The following QKI variants were observed in gnomAD, a reference collection of about 807,000 sequenced individuals.
QKI encodes KH domain-containing RNA-binding protein QKI.
QKI carries 10 observed loss-of-function variants against 39.0 expected under a neutral mutation model. The ratio of observed to expected loss-of-function variants is 0.26; its 90% CI spans 0.16 to 0.43. QKI has a LOEUF of 0.43. Ranked by LOEUF, QKI falls within the 20% of genes least tolerant of loss-of-function variation. The pLI, the probability that QKI is intolerant of heterozygous loss-of-function variation, is 1.00. For synonymous variants in QKI, 204 were observed against 155.4 expected (o/e 1.31, Z -2.33); for missense variants, 218 against 428.0 (o/e 0.51, Z 4.33).
In QKI at chr6:163,515,602, G is replaced by A. The variant is rs6919559; in HGVS notation, c.403-19380G>A. ...ACATACTACATCTTGATACTATAAC[G>A]TTCAAAAGAACAGTTTGAAATTATT... On this transcript the variant is annotated intron_variant, in intron 3 of 7. Coordinates refer to ENST00000361752, the MANE Select transcript of QKI (RefSeq NM_006775.3). 3.3e-3 allele frequency among the ~76,000 whole-genome samples: 506 copies of A among 152,054 alleles called. 4 individuals are homozygous for A. Among genetic ancestry groups the A allele is most frequent in the African/African-American group, 0.011 (473 of 41,484 alleles).
intron 1 of QKI, among the ~76,000 whole-genome samples, chr6:163,427,026 C>G (rs531895728): frequency 6.6e-6 from 1 of 152,026 alleles, no homozygotes; most frequent in South Asian, 2.1e-4. Flanking sequence ...TCCCTTGTGC[C>G]TTGTCTGCCT....
At chr6:163,503,792 T>C (rs1023010638) in intron 3 of QKI, among the ~76,000 whole-genome samples, 5 of 152,038 alleles carry the variant, frequency 3.3e-5, no homozygotes, top group African/African-American at 9.7e-5. Context: ...CAGGCTGGAG[T>C]GCAGTGGCTC....
intron 2 of QKI, chr6:163,457,599 C>G (rs148523260): frequency 2.8e-6 from 1 of 361,038 alleles, no homozygotes; most frequent in East Asian, 7.4e-5. Context: ...GTAGATAATT[C>G]CGATGCATGC....
At chr6:163,485,644 GTCCT>G (rs1777614836) in intron 3 of QKI, among the ~76,000 whole-genome samples, 1 of 152,094 alleles carries the variant, frequency 6.6e-6, no homozygotes, top group South Asian at 2.1e-4. Context: ...TCCTTTTTCT[GTCCT>G]TCCTTCTCTC....
chr6:163,422,677 A>T (rs1019415984), intron 1 of QKI, among the ~76,000 whole-genome samples: 1 of 152,198 alleles, frequency 6.6e-6, no homozygotes, highest in Non-Finnish European at 1.5e-5. Flanking sequence ...GTGTGCAGGC[A>T]TTTATATCTG....
rs540160940 is a variant in QKI at position 163,549,545 on chromosome 6, T to A, written c.547-12437T>A. On this transcript the variant is annotated intron_variant, in intron 4 of 7. Coordinates refer to ENST00000361752, the MANE Select transcript of QKI (RefSeq NM_006775.3). ...GGGCAACATAGTGAATCCCCATCTT[T>A]ACGAAAAATACAAAAAATTAGTTGG... Among the ~76,000 whole-genome samples the A allele has an allele frequency of 6.6e-5, 10 of 152,138 alleles. No individual in the cohort carries two copies. In the South Asian group the frequency reaches 2.1e-3, roughly 32 times the overall value.
intron 3 of QKI, among the ~76,000 whole-genome samples, chr6:163,529,416 A>C (rs1780712326): frequency 6.6e-6 from 1 of 152,132 alleles, no homozygotes; most frequent in South Asian, 2.1e-4. Flanking sequence ...CAATGTGTAC[A>C]TACTGTCAAG....
chr6:163,470,375 A>G (rs909098302), intron 2 of QKI, among the ~76,000 whole-genome samples: 1 of 152,150 alleles, frequency 6.6e-6, no homozygotes, highest in African/African-American at 2.4e-5. Context: ...AAAATTGTCT[A>G]TCTCAGTAAG....
At position 163,553,012 on chromosome 6, in the gene QKI, TAA is replaced by T. The variant is rs1309723530; in HGVS notation, c.547-8969_547-8968del. 7.9e-5 allele frequency among the ~76,000 whole-genome samples: 12 copies of T among 151,380 alleles called. No homozygotes were observed. In the East Asian group the frequency reaches 2.1e-3, roughly 27 times the overall value. The stretch of plus-strand genomic sequence containing the variant: ...GCCTCTCTGTCCCACCTCTCAAAAC[TAA>T]GAGATTTTTAGATAGTCATAATTTT... On this transcript the variant is annotated intron_variant, in intron 4 of 7. Coordinates refer to ENST00000361752, the MANE Select transcript of QKI (RefSeq NM_006775.3).
chr6:163,459,239 G>T (rs1364089803), intron 2 of QKI, among the ~76,000 whole-genome samples: 1 of 152,218 alleles, frequency 6.6e-6, no homozygotes, highest in Non-Finnish European at 1.5e-5. Context: ...TGCATAAGCA[G>T]GTATAAGGCG....
chr6:163,437,250 G>A (rs781104965), intron 1 of QKI, among the ~76,000 whole-genome samples: 8 of 152,030 alleles, frequency 5.3e-5, no homozygotes, highest in Non-Finnish European at 1.2e-4. Flanking sequence ...CTAGAATAAG[G>A]TATATACATA....
Position 163,535,057 on chromosome 6 carries a change from G to A in QKI, c.478G>A (p.Ala160Thr), listed in dbSNP as rs1781111189. ...ACATGTACTAATCACTGTGGAAGAT[G>A]CTCAGAACAGAGCAGAAATCAAATT... ...DLHVLITVEDAQNRAEIKLKR... is the reference protein window; with the variant it reads ...DLHVLITVEDTQNRAEIKLKR... The change falls in exon 4 of 8, where the codon GCT (alanine) becomes ACT (threonine). Residue 160 changes from alanine (A) to threonine (T), a missense_variant. Around this residue, in one of 3 missense-constraint regions of QKI, gnomAD observed 61 missense variants for 193.3 expected, o/e 0.32. Coordinates refer to ENST00000361752, the MANE Select transcript of QKI (RefSeq NM_006775.3). 3 of 1,612,172 alleles carry A rather than the reference G, an allele frequency of 1.9e-6. No individual in the cohort carries two copies. The highest frequency in any genetic ancestry group is 2.5e-6 in the Non-Finnish European group (3 of 1,179,080).
At chr6:163,432,174 G>T (rs1232594685) in intron 1 of QKI, among the ~76,000 whole-genome samples, 1 of 152,004 alleles carries the variant, frequency 6.6e-6, no homozygotes, top group Non-Finnish European at 1.5e-5. Flanking sequence ...TCTACCCAGG[G>T]TATTTTAAAT....
intron 3 of QKI, among the ~76,000 whole-genome samples, chr6:163,497,582 A>G (rs1778489861): frequency 1.3e-5 from 2 of 151,660 alleles, no homozygotes; most frequent in African/African-American, 4.8e-5. Flanking sequence ...TTTTATCTAG[A>G]TGTGCTATAT....
intron 4 of QKI, among the ~76,000 whole-genome samples, chr6:163,557,874 C>T (rs566150380): frequency 6.6e-6 from 1 of 151,426 alleles, no homozygotes; most frequent in Admixed American, 6.6e-5. Flanking sequence ...CTTGGGAGTC[C>T]ACTGCATGTG....
chr6:163,416,507 A>G (rs1470475754), intron 1 of QKI: 1 of 152,132 alleles, frequency 6.6e-6, no homozygotes, highest in African/African-American at 2.4e-5. Flanking sequence ...TGAACAATGG[A>G]GTTTAGATTT....
intron 6 of QKI, chr6:163,565,145 T>G (rs1424286718): frequency 2.0e-6 from 2 of 996,718 alleles, no homozygotes; most frequent in Non-Finnish European, 2.4e-6. Context: ...CAGAACTGTT[T>G]ATGAGAGGCT....
chr6:163,564,745 T>TA, intron 6 of QKI: 1 of 1,614,028 alleles, frequency 6.2e-7, no homozygotes, highest in Non-Finnish European at 8.5e-7. Flanking sequence ...CAGCAGCTGT[T>TA]ATAACACGAC....
At chr6:163,474,038 G>C (rs966837064) in intron 2 of QKI, among the ~76,000 whole-genome samples, 4 of 152,116 alleles carry the variant, frequency 2.6e-5, no homozygotes, top group African/African-American at 9.7e-5. Context: ...AGTTGAAGTT[G>C]GTTAACATTT....
Sources: allele counts gnomAD v4.1 joint callset (sites outside exome capture counted in the v4.1 genomes callset), GRCh38; gene constraint gnomAD v4.1.1; regional missense constraint gnomAD v4.1.1; transcripts MANE v1.5; gene names NCBI Gene and HGNC (gene_info 2026-07-23, HGNC 2026-07-21).